The following GPR19 variants were observed in gnomAD, a reference collection of about 807,000 sequenced individuals.
The protein encoded by GPR19 is probable G protein-coupled receptor 19.
Under a neutral mutation model 28.5 loss-of-function variants are expected in GPR19, and 14 were observed. That is an observed-to-expected ratio of 0.49 (90% CI 0.32 to 0.77). GPR19 has a LOEUF of 0.77. Ranked by LOEUF, GPR19 falls within the 30% of genes least tolerant of loss-of-function variation. The probability of loss-of-function intolerance (pLI) is 0.03; values close to 1 mark genes in which losing one functional copy is unlikely to be tolerated. For synonymous variants in GPR19, 173 were observed against 184.1 expected (o/e 0.94, Z 0.49); for missense variants, 409 against 504.1 (o/e 0.81, Z 1.81).
chr12:12,692,410 C>A (rs929728239), intron 2 of GPR19, among the ~76,000 whole-genome samples: 1 of 151,886 alleles, frequency 6.6e-6, no homozygotes, highest in Admixed American at 6.6e-5. Context: ...TAATATTAGC[C>A]AGGTTAATGG....
At chr12:12,673,685 G>A (rs1051370310) in intron 3 of GPR19, among the ~76,000 whole-genome samples, 2 of 152,140 alleles carry the variant, frequency 1.3e-5, no homozygotes, top group Admixed American at 6.6e-5. Flanking sequence ...GTGTAGGAAT[G>A]AGCTTGTTAT....
At position 12,691,691 on chromosome 12, in the gene GPR19, C is replaced by G. The variant is rs114466499; in HGVS notation, c.-180+3768G>C. ...CAATTCATCTTTATACCTCTAGGAT[C>G]TAAAACAGCAAAGTAGGTGCTCAGC... On this transcript the variant is annotated intron_variant, in intron 2 of 3. Transcript: ENST00000651487. Among the ~76,000 whole-genome samples, 968 of 152,260 alleles carry G rather than the reference C, an allele frequency of 6.4e-3. 13 individuals are homozygous for G. Among genetic ancestry groups the G allele is most frequent in the African/African-American group, 0.022 (894 of 41,534 alleles).
chr12:12,672,882 G>A (rs1283809194), intron 3 of GPR19, among the ~76,000 whole-genome samples: 1 of 152,158 alleles, frequency 6.6e-6, no homozygotes, highest in Non-Finnish European at 1.5e-5. Flanking sequence ...GTTCATTGCT[G>A]GGGACACAGA....
intron 3 of GPR19, among the ~76,000 whole-genome samples, chr12:12,677,015 G>C (rs973979249): frequency 2.0e-5 from 3 of 152,160 alleles, no homozygotes; most frequent in Non-Finnish European, 4.4e-5. Context: ...TTGAAAAGGA[G>C]GTGAAGGACT....
At position 12,661,011 on chromosome 12, in the gene GPR19, A is replaced by G; in HGVS notation, c.*190T>C. On this transcript the variant is annotated 3_prime_UTR_variant, in exon 4 of 4. Coordinates refer to ENST00000651487, the MANE Select transcript of GPR19 (RefSeq NM_006143.3). The surrounding 1 kb of genome is among the most constrained non-coding windows in gnomAD (Gnocchi z 4.2). ...GGACTGTTGGCTAAAGTTCAAAGTG[A>G]ACGCTTTTCCTAAAACATAAAAAGC... 2 of 525,982 alleles carry G rather than the reference A, an allele frequency of 3.8e-6. No individual in the cohort carries two copies. Among genetic ancestry groups the G allele is most frequent in the African/African-American group, 1.9e-5 (1 of 52,632 alleles). 32.6% of individuals were successfully genotyped at this position (525,982 alleles called of 1,614,324 possible). A position where few individuals can be genotyped will look rare whatever the true frequency, so the allele number is the denominator to read the frequency against.
At chr12:12,662,511 G>C in intron 3 of GPR19, 41 bp from the exon 4 acceptor site, 1 of 1,438,806 alleles carries the variant, frequency 7.0e-7, no homozygotes, top group Non-Finnish European at 9.6e-7. Flanking sequence ...TGTTAAAAAG[G>C]TGTCATACAG....
At chr12:12,707,989 C>CTTTTT in the GPR19 span, among the ~76,000 whole-genome samples, 19 of 62,468 alleles carry the variant, frequency 3.0e-4, no homozygotes, top group African/African-American at 5.7e-4. Context: ...ATTTCCTATT[C>CTTTTT]TTTTTTTTTT....
intron 3 of GPR19, among the ~76,000 whole-genome samples, chr12:12,667,615 C>A (rs1009615747): frequency 1.3e-5 from 2 of 151,366 alleles, no homozygotes; most frequent in African/African-American, 4.9e-5. Flanking sequence ...CGCTTGAACC[C>A]GGGAGGCAGA....
At chr12:12,704,866 CCTAA>C in the GPR19 span, among the ~76,000 whole-genome samples, 5 of 152,066 alleles carry the variant, frequency 3.3e-5, no homozygotes, top group African/African-American at 7.2e-5. Flanking sequence ...CCACAGAGCG[CCTAA>C]CTATTTTGGA....
chr12:12,701,331 G>T, the GPR19 span, among the ~76,000 whole-genome samples: 1 of 152,020 alleles, frequency 6.6e-6, no homozygotes, highest in South Asian at 2.1e-4. Flanking sequence ...TTAGTGTGCT[G>T]GGAAAAATAA....
At chr12:12,714,109 TGAAA>T in the GPR19 span, among the ~76,000 whole-genome samples, 1 of 152,150 alleles carries the variant, frequency 6.6e-6, no homozygotes, top group Non-Finnish European at 1.5e-5. Context: ...AAATATTTGT[TGAAA>T]GAAAGAAGGA....
chr12:12,691,907 G>A (rs1946185898), intron 2 of GPR19, among the ~76,000 whole-genome samples: 1 of 152,202 alleles, frequency 6.6e-6, no homozygotes, highest in Non-Finnish European at 1.5e-5. Flanking sequence ...GTTAAGAGAT[G>A]TTAATAACTA....
At chr12:12,696,728 T>A (rs1946268263), upstream of GPR19, among the ~76,000 whole-genome samples, 1 of 152,238 alleles carries the variant, frequency 6.6e-6, no homozygotes, top group Non-Finnish European at 1.5e-5. Context: ...CGAAGCGCTG[T>A]GTCGCGGTTC....
upstream of GPR19, chr12:12,696,339 CTTT>C (rs578240364): frequency 4.6e-4 from 41 of 88,640 alleles, no homozygotes; most frequent in African/African-American, 1.2e-3. Flanking sequence ...CCCACCCGCC[CTTT>C]TTTTTTTTTT....
At chr12:12,665,321 A>T (rs1386636339) in intron 3 of GPR19, among the ~76,000 whole-genome samples, 1 of 152,124 alleles carries the variant, frequency 6.6e-6, no homozygotes. Context: ...GGGCCCTTCC[A>T]TCATTTCCTC....
the GPR19 span, among the ~76,000 whole-genome samples, chr12:12,704,240 A>C: frequency 6.6e-6 from 1 of 152,166 alleles, no homozygotes; most frequent in African/African-American, 2.4e-5. Context: ...TGTGGCTCAC[A>C]CCTGTAATCC....
At chr12:12,670,561 C>T (rs1945841961) in intron 3 of GPR19, among the ~76,000 whole-genome samples, 1 of 152,124 alleles carries the variant, frequency 6.6e-6, no homozygotes, top group Non-Finnish European at 1.5e-5. Flanking sequence ...ATACACAGGA[C>T]TTAGATGAGT....
chr12:12,667,820 C>T (rs1945804607), intron 3 of GPR19, among the ~76,000 whole-genome samples: 1 of 152,024 alleles, frequency 6.6e-6, no homozygotes, highest in South Asian at 2.1e-4. Flanking sequence ...GTTTGTCTCC[C>T]CCATTAGGTT....
At chr12:12,689,884 C>A (rs940226183) in intron 2 of GPR19, among the ~76,000 whole-genome samples, 1 of 152,316 alleles carries the variant, frequency 6.6e-6, no homozygotes, top group Admixed American at 6.5e-5. Context: ...TGTGAAGAGG[C>A]CCACACATAG....
Sources: gnomAD v4.1 joint callset for allele counts (sites outside exome capture counted in the v4.1 genomes callset) on GRCh38, gnomAD v4.1.1 for gene constraint, Gnocchi (gnomAD v3.1) non-coding constraint, MANE v1.5 for transcripts, NCBI Gene and HGNC (gene_info 2026-07-23, HGNC 2026-07-21) for gene names.